RBFOX1: variants seen among roughly 807,000 people sequenced by gnomAD.
RBFOX1 encodes RNA binding protein fox-1 homolog 1.
RBFOX1 carries 8 observed loss-of-function variants against 57.7 expected under a neutral mutation model. The ratio of observed to expected loss-of-function variants is 0.14; its 90% confidence interval spans 0.08 to 0.25. RBFOX1 has a LOEUF of 0.25. RBFOX1 is among the 10% of genes least tolerant of loss of function. The probability of loss-of-function intolerance (pLI) is 1.00; values close to 1 mark genes in which losing one functional copy is unlikely to be tolerated. For missense variants in RBFOX1, 611 were observed against 548.5 expected, an observed-to-expected ratio of 1.11 and a Z score of -1.14; for synonymous variants, 326 against 222.4, an observed-to-expected ratio of 1.47 and a Z score of -4.15.
At chr16:7,253,888 C>T (rs1471532221) in intron 4 of RBFOX1, among the ~76,000 whole-genome samples, 2 of 152,094 alleles carry the variant, frequency 1.3e-5, no homozygotes, top group South Asian at 2.1e-4. Context: ...ATATTTTGTT[C>T]GTTCATTACC....
intron 7 of RBFOX1, among the ~76,000 whole-genome samples, chr16:7,589,861 C>G (rs2094341893): frequency 6.6e-6 from 1 of 150,708 alleles, no homozygotes; most frequent in African/African-American, 2.4e-5. Flanking sequence ...CTTTCATTCT[C>G]TAGAGCAGTT....
chr16:6,923,729 A>C (rs560648530), intron 3 of RBFOX1, among the ~76,000 whole-genome samples: 1 of 152,242 alleles, frequency 6.6e-6, no homozygotes, highest in South Asian at 2.1e-4. Flanking sequence ...AAGGCCAGCA[A>C]AGTGGTCAGG....
intron 1 of RBFOX1, among the ~76,000 whole-genome samples, chr16:5,385,702 C>T (rs58980642): frequency 6.6e-6 from 1 of 152,176 alleles, no homozygotes; most frequent in African/African-American, 2.4e-5. Context: ...AATTTTGTAG[C>T]CTCTGCTCAG....
intron 2 of RBFOX1, among the ~76,000 whole-genome samples, chr16:6,369,931 A>G (rs923702831): frequency 6.6e-6 from 1 of 152,160 alleles, no homozygotes; most frequent in Non-Finnish European, 1.5e-5. Flanking sequence ...AATGACCTTG[A>G]TGGCAGTTTT....
intron 3 of RBFOX1, among the ~76,000 whole-genome samples, chr16:7,014,556 G>C (rs952555118): frequency 1.3e-5 from 2 of 152,012 alleles, no homozygotes; most frequent in Admixed American, 6.6e-5. Flanking sequence ...ACAGGAGTGA[G>C]ACACTGCACC....
At chr16:5,856,565 G>GTT (rs1442859186) in intron 3 of RBFOX1, among the ~76,000 whole-genome samples, 4 of 33,728 alleles carry the variant, frequency 1.2e-4, no homozygotes, top group African/African-American at 3.9e-4. Context: ...GTGTGTGTAT[G>GTT]TGTGTGTGTG....
chr16:5,890,097 A>T (rs966178565), intron 4 of RBFOX1, among the ~76,000 whole-genome samples: 1 of 152,168 alleles, frequency 6.6e-6, no homozygotes, highest in Non-Finnish European at 1.5e-5. Context: ...GATCTTGGGT[A>T]AACTGTACTC....
chr16:6,571,912 A>G (rs1000606369), intron 2 of RBFOX1, among the ~76,000 whole-genome samples: 2 of 151,704 alleles, frequency 1.3e-5, no homozygotes, highest in Non-Finnish European at 2.9e-5. Context: ...TTGATTAATT[A>G]CTTTTATTAC....
rs546260200 is a variant in RBFOX1 at position 6,303,364 on chromosome 16, C to A, written c.-126-13631C>A. 1.3e-4 allele frequency among the ~76,000 whole-genome samples: 20 copies of A among 151,796 alleles called. No individual in the cohort carries two copies. In the South Asian group the frequency reaches 3.9e-3, roughly 30 times the overall value. ...TTTTTTTTTAAAAAATCGAGGCCTA[C>A]AGAGTGGAGGATGGCTTTCTTTATG... On this transcript the variant is annotated intron_variant, in intron 1 of 15. Transcript: ENST00000550418.
At chr16:6,815,102 A>AT (rs1276549223) in intron 3 of RBFOX1, among the ~76,000 whole-genome samples, 1 of 152,122 alleles carries the variant, frequency 6.6e-6, no homozygotes, top group African/African-American at 2.4e-5. Flanking sequence ...GTTTCTCCCC[A>AT]TTTCCGACCA....
intron 2 of RBFOX1, among the ~76,000 whole-genome samples, chr16:6,641,326 C>G (rs939026148): frequency 2.0e-5 from 3 of 152,162 alleles, no homozygotes; most frequent in Non-Finnish European, 2.9e-5. Flanking sequence ...AAGGCGTTCA[C>G]CTTCACTCCC....
At chr16:7,048,487 C>T (rs1049388001) in intron 3 of RBFOX1, among the ~76,000 whole-genome samples, 6 of 151,622 alleles carry the variant, frequency 4.0e-5, no homozygotes, top group African/African-American at 1.5e-4. Flanking sequence ...TCTCGATCTC[C>T]TGACCTCATG....
chr16:7,431,761 G>C (rs561917974), intron 4 of RBFOX1, among the ~76,000 whole-genome samples: 1 of 152,292 alleles, frequency 6.6e-6, no homozygotes, highest in Admixed American at 6.5e-5. Flanking sequence ...GAGAGGTTAA[G>C]TGGCCTGCTT....
chr16:7,072,539 G>GT (rs1298838680), intron 4 of RBFOX1, among the ~76,000 whole-genome samples: 20 of 152,140 alleles, frequency 1.3e-4, no homozygotes, highest in African/African-American at 4.1e-4. Context: ...AGTGGCTATT[G>GT]TTTTTTGTTG....
At chr16:6,780,189 A>ATTTATT (rs2080514899) in intron 3 of RBFOX1, among the ~76,000 whole-genome samples, 1 of 26,360 alleles carries the variant, frequency 3.8e-5, no homozygotes, top group Non-Finnish European at 5.1e-5. Context: ...TTATATATAT[A>ATTTATT]TTTATATATT....
intron 4 of RBFOX1, chr16:7,510,089 A>G: frequency 1.0e-6 from 1 of 972,424 alleles, no homozygotes; most frequent in South Asian, 4.8e-5. Flanking sequence ...CCTGGCAGAA[A>G]AAGTGCCATC....
chr16:6,764,676 C>G, intron 3 of RBFOX1, among the ~76,000 whole-genome samples: 1 of 152,178 alleles, frequency 6.6e-6, no homozygotes, highest in East Asian at 1.9e-4. Flanking sequence ...GTGGCTCACG[C>G]CTGTAATCCC....
intron 4 of RBFOX1, among the ~76,000 whole-genome samples, chr16:5,895,326 A>T (rs1413829824): frequency 6.6e-6 from 1 of 152,210 alleles, no homozygotes; most frequent in African/African-American, 2.4e-5. Context: ...CAGGAAATGG[A>T]TGACTCACAT....
At chr16:6,917,903 G>A (rs2073587202) in intron 3 of RBFOX1, among the ~76,000 whole-genome samples, 1 of 152,162 alleles carries the variant, frequency 6.6e-6, no homozygotes, top group African/African-American at 2.4e-5. Flanking sequence ...GAGGGACAAT[G>A]GAGACCTGGG....
Sources: allele counts gnomAD v4.1 joint callset (sites outside exome capture counted in the v4.1 genomes callset), GRCh38; gene constraint gnomAD v4.1.1; transcripts MANE v1.5; gene names NCBI Gene and HGNC (gene_info 2026-07-23, HGNC 2026-07-21).